Variants in STON2 observed in about 807,000 individuals in gnomAD.
STON2 encodes stonin 2.
A neutral mutation model predicts 65.7 loss-of-function variants in STON2; 29 were observed. The observed-to-expected ratio is 0.44, with a 90% CI of 0.33 to 0.60. The LOEUF is 0.60. STON2 is among the 20% of genes least tolerant of loss of function. The pLI is 0.03. For synonymous variants in STON2, 404 were observed against 414.2 expected, an observed-to-expected ratio of 0.98 and a Z score of 0.30; for missense variants, 1,054 against 1,118.1, an observed-to-expected ratio of 0.94 and a Z score of 0.82.
At position 81,371,156 on chromosome 14, in the gene STON2, A is replaced by T; in HGVS notation, c.403T>A (p.Cys135Ser). The T allele has an allele frequency of 6.2e-7, 1 of 1,614,200 alleles. No homozygotes were observed. The highest frequency in any genetic ancestry group is 8.5e-7 in the Non-Finnish European group (1 of 1,180,028). ...ALPLTMPCWTCPSFDSLGRCP... is the reference protein window; with the variant it reads ...ALPLTMPCWTSPSFDSLGRCP... ...CTCCCCAGGGAGTCAAAGGAAGGGC[A>T]TGTCCAGCAGGGCATGGTCAATGGT... Residue 135 changes from cysteine to serine, a missense_variant, in exon 4 of 8, where the codon TGC becomes AGC. Cys to Ser is a moderately radical substitution (Grantham distance 112, BLOSUM62 -1). Transcript: ENST00000614646.
intron 1 of STON2, chr14:81,436,027 G>C (rs1007051463): frequency 2.6e-5 from 4 of 152,454 alleles, no homozygotes; most frequent in African/African-American, 9.6e-5. Flanking sequence ...GACACCCGTC[G>C]GCCAGAAGTG....
intron 5 of STON2, among the ~76,000 whole-genome samples, chr14:81,281,857 G>A (rs753105693): frequency 6.6e-6 from 1 of 152,010 alleles, no homozygotes; most frequent in Non-Finnish European, 1.5e-5. Context: ...AATTTCTAGG[G>A]ATTCTATTTT....
chr14:81,300,768 G>A (rs1188891233), intron 5 of STON2, among the ~76,000 whole-genome samples: 1 of 152,026 alleles, frequency 6.6e-6, no homozygotes, highest in East Asian at 1.9e-4. Context: ...AGTTAAAAAT[G>A]GTTTAAATGA....
At chr14:81,286,313 C>A (rs560236576) in intron 5 of STON2, among the ~76,000 whole-genome samples, 1 of 152,214 alleles carries the variant, frequency 6.6e-6, no homozygotes, top group South Asian at 2.1e-4. Flanking sequence ...ATACTACAGA[C>A]AAATCTTTCA....
intron 4 of STON2, among the ~76,000 whole-genome samples, chr14:81,343,113 A>G (rs184882246): frequency 1.3e-5 from 2 of 152,302 alleles, no homozygotes; most frequent in Non-Finnish European, 2.9e-5. Flanking sequence ...GTTGAAAATA[A>G]AAGTTAACAG....
chr14:81,417,565 G>A (rs1461717995), intron 2 of STON2, among the ~76,000 whole-genome samples: 1 of 152,174 alleles, frequency 6.6e-6, no homozygotes, highest in East Asian at 1.9e-4. Context: ...ATACCCTAAG[G>A]AAACTAGGAG....
chr14:81,276,229 G>A lies in STON2; in HGVS notation c.2581+672C>T, dbSNP rs938234019. Among the ~76,000 whole-genome samples the A allele has an allele frequency of 3.3e-5, 5 of 152,218 alleles. No homozygotes were observed. The East Asian group carries it at 5.8e-4, about 18-fold the overall frequency. On this transcript the variant is annotated intron_variant, in intron 6 of 7. Transcript: ENST00000614646. ...GCACAAAAGCATCCCTGATAGCTGC[G>A]AGCAGCCCAGCTAGGGCTGGTAAGC... is the stretch of plus-strand genomic sequence containing the variant.
intron 5 of STON2, among the ~76,000 whole-genome samples, chr14:81,283,214 G>C (rs932484674): frequency 6.6e-6 from 1 of 152,132 alleles, no homozygotes; most frequent in Non-Finnish European, 1.5e-5. Flanking sequence ...TCTATTTCAA[G>C]CTCCTAAAAG....
At chr14:81,316,572 T>A (rs543953107) in intron 5 of STON2, among the ~76,000 whole-genome samples, 1 of 152,160 alleles carries the variant, frequency 6.6e-6, no homozygotes, top group South Asian at 2.1e-4. Context: ...AACAAGAAGA[T>A]AGGTGGCTAA....
chr14:81,268,255 G>A lies in STON2; in HGVS notation c.*159C>T. ...CTCAGGGTTTCCTGGTAAAATACAAGTAACTGCAAACAGGAAGATCTGGTA... is the reference window on the plus strand; with the variant it reads ...CTCAGGGTTTCCTGGTAAAATACAAATAACTGCAAACAGGAAGATCTGGTA... On this transcript the variant is annotated 3_prime_UTR_variant, in exon 8 of 8. Transcript: ENST00000614646. 8.7e-7 allele frequency: 1 copy of A among 1,149,038 alleles called. No individual in the cohort carries two copies. Among genetic ancestry groups the A allele is most frequent in the Non-Finnish European group, 1.1e-6 (1 of 922,556 alleles). 71.2% of individuals were successfully genotyped at this position (1,149,038 alleles called of 1,614,324 possible). A position where few individuals can be genotyped will look rare whatever the true frequency, so the allele number is the denominator to read the frequency against.
At chr14:81,401,158 T>A (rs1267209768), upstream of STON2, among the ~76,000 whole-genome samples, 1 of 152,226 alleles carries the variant, frequency 6.6e-6, no homozygotes, top group African/African-American at 2.4e-5. Context: ...AGAATCTGGT[T>A]TCAGTCATTG....
chr14:81,414,531 G>C (rs1480485119), intron 2 of STON2, among the ~76,000 whole-genome samples: 2 of 152,044 alleles, frequency 1.3e-5, no homozygotes, highest in African/African-American at 2.4e-5. Flanking sequence ...GCATGAGTTA[G>C]AGGTCCTGGA....
intron 4 of STON2, among the ~76,000 whole-genome samples, chr14:81,360,799 T>G (rs1898459447): frequency 6.6e-6 from 1 of 152,122 alleles, no homozygotes. Flanking sequence ...TAAACTGTTA[T>G]AACTAATAAA....
intron 7 of STON2, chr14:81,268,720 G>C (rs1229180173): frequency 2.3e-6 from 2 of 853,810 alleles, no homozygotes; most frequent in African/African-American, 3.6e-5. Context: ...TGGTCCACCA[G>C]GAAAATTCTT....
In STON2 at chr14:81,413,518, G is replaced by A. The variant is rs1054536011; in HGVS notation, c.-199+13584C>T. Reference sequence around the variant, plus strand: ...CCTTTAAAAAATAAATCTGTTGGCCGGGCGCAGTGGCTCATGCCTGTAATC... The same window carrying A: ...CCTTTAAAAAATAAATCTGTTGGCCAGGCGCAGTGGCTCATGCCTGTAATC... On this transcript the variant is annotated intron_variant, in intron 2 of 8. Transcript: ENST00000553821. 4.4e-4 allele frequency among the ~76,000 whole-genome samples: 61 copies of A among 140,046 alleles called. 12 individuals are homozygous for A. The highest frequency in any genetic ancestry group is 1.6e-3 in the African/African-American group (54 of 34,164). The allele number at this position is 140,046 out of a possible 152,430, so 91.9% of individuals were successfully genotyped here.
chr14:81,277,834 T>G lies in STON2; in HGVS notation c.1648A>C (p.Asn550His), dbSNP rs145928562. The change falls in exon 6 of 8, where the codon AAT (asparagine) becomes CAT (histidine). Residue 550 changes from asparagine to histidine, a missense_variant. Transcript: ENST00000614646. ...SEPRLQNYDENGRIHSLRIDR... is the reference protein window; with the variant it reads ...SEPRLQNYDEHGRIHSLRIDR... ...ATCCGCAAGCTGTGGATTCTGCCAT[T>G]CTCATCATAGTTTTGAAGCCGGGGT... 91 of 1,614,216 alleles carry G rather than the reference T, an allele frequency of 5.6e-5. No homozygotes were observed. The African/African-American group carries it at 9.3e-4, about 17-fold the overall frequency.
chr14:81,339,981 C>T (rs1897532064), intron 4 of STON2, among the ~76,000 whole-genome samples: 1 of 152,012 alleles, frequency 6.6e-6, no homozygotes, highest in Non-Finnish European at 1.5e-5. Context: ...GATGAAACCC[C>T]ATCTCTACTA....
At chr14:81,270,083 C>G in intron 7 of STON2, 1 of 972,630 alleles carries the variant, frequency 1.0e-6, no homozygotes, top group Non-Finnish European at 1.2e-6. Flanking sequence ...ATTCCTTTAC[C>G]CCATTACTCT....
chr14:81,314,651 A>T (rs1896553979), intron 5 of STON2, among the ~76,000 whole-genome samples: 1 of 152,172 alleles, frequency 6.6e-6, no homozygotes, highest in African/African-American at 2.4e-5. Context: ...CTAAGCTCTG[A>T]TTATCACCAC....
Sources: allele counts gnomAD v4.1 joint callset (sites outside exome capture counted in the v4.1 genomes callset), GRCh38; gene constraint gnomAD v4.1.1; transcripts MANE v1.5; gene names NCBI Gene and HGNC (gene_info 2026-07-23, HGNC 2026-07-21).